WNT5A: variants seen among roughly 807,000 people sequenced by gnomAD.
WNT5A encodes protein Wnt-5a.
In WNT5A, 9 loss-of-function variants were observed where a neutral mutation model predicts 42.1. The observed-to-expected ratio is 0.21, with a 90% CI of 0.13 to 0.37. The LOEUF (loss-of-function observed/expected upper bound fraction) is 0.37, where lower values mean the gene tolerates loss of function less well. Ranked by LOEUF, WNT5A falls within the 10% of genes least tolerant of loss-of-function variation. WNT5A has a pLI of 1.00. For synonymous variants in WNT5A, 210 were observed against 210.0 expected (o/e 1.00, Z 0.00); for missense variants, 426 against 534.0 (o/e 0.80, Z 1.99).
chr3:55,498,657 G>T, the WNT5A span, among the ~76,000 whole-genome samples: 1 of 152,200 alleles, frequency 6.6e-6, no homozygotes. Context: ...TTCCAGGACA[G>T]ATGATTTGGT....
chr3:55,471,136 C>A (rs2051243527), intron 4 of WNT5A, among the ~76,000 whole-genome samples: 1 of 152,136 alleles, frequency 6.6e-6, no homozygotes, highest in Admixed American at 6.5e-5. Context: ...AAATCTTAAC[C>A]CATTACTACT....
chr3:55,491,549 C>G (rs550713905), upstream of WNT5A, among the ~76,000 whole-genome samples: 1 of 152,222 alleles, frequency 6.6e-6, no homozygotes, highest in Non-Finnish European at 1.5e-5. Context: ...AATTTATGAA[C>G]GACTGCATCC....
chr3:55,475,982 T>C (rs1178541608), intron 3 of WNT5A, among the ~76,000 whole-genome samples: 1 of 152,210 alleles, frequency 6.6e-6, no homozygotes, highest in Non-Finnish European at 1.5e-5. Context: ...ATAAGGGTAC[T>C]GAAATACATG....
At chr3:55,504,929 C>A in the WNT5A span, among the ~76,000 whole-genome samples, 1 of 152,118 alleles carries the variant, frequency 6.6e-6, no homozygotes, top group African/African-American at 2.4e-5. Context: ...TTTTTCTGAG[C>A]TTTATATAGA....
intron 1 of WNT5A, among the ~76,000 whole-genome samples, chr3:55,485,858 T>C (rs1406168211): frequency 1.3e-5 from 2 of 151,858 alleles, no homozygotes; most frequent in Non-Finnish European, 2.9e-5. Context: ...TTTGTTGTTG[T>C]TTTTTTTAAC....
intron 1 of WNT5A, chr3:55,481,488 T>TGGGGGGG: frequency 2.9e-5 from 3 of 101,892 alleles, no homozygotes; most frequent in South Asian, 3.2e-4. Context: ...GGGCAGGGGG[T>TGGGGGGG]GGGGGGCGAG....
rs1163047241 is a variant in WNT5A, at chr3:55,479,570, A to T, written c.141-6T>A. On this transcript the variant is annotated splice_polypyrimidine_tract_variant and splice_region_variant and intron_variant, in intron 2 of 4. Transcript: ENST00000264634. The stretch of plus-strand genomic sequence containing the variant: ...GGTTATTCATACCTAGCGACCTGCA[A>T]GGGGGGGAGATGTGCATTCAAGATT... The T allele has an allele frequency of 6.3e-7, 1 of 1,574,912 alleles. No individual in the cohort carries two copies. Among genetic ancestry groups the T allele is most frequent in the Non-Finnish European group, 8.7e-7 (1 of 1,155,432 alleles).
chr3:55,482,302 C>T (rs1559557967), intron 1 of WNT5A, among the ~76,000 whole-genome samples: 2 of 152,234 alleles, frequency 1.3e-5, no homozygotes, highest in Non-Finnish European at 2.9e-5. Flanking sequence ...GACTTCTCCA[C>T]CTGTAGGCGG....
Position 55,468,082 on chromosome 3 carries a change from G to A in WNT5A, c.*2010C>T, listed in dbSNP as rs139339191. 6 of 147,758 alleles carry A rather than the reference G, an allele frequency of 4.1e-5. No individual in the cohort carries two copies. Among genetic ancestry groups the A allele is most frequent in the African/African-American group, 1.5e-4 (6 of 40,316 alleles). 9.2% of individuals were successfully genotyped at this position (147,758 alleles called of 1,614,324 possible). A position where few individuals can be genotyped will look rare whatever the true frequency, so the allele number is the denominator to read the frequency against. The stretch of plus-strand genomic sequence containing the variant: ...TATCTTTCCAAACTTTTAAAACAAC[G>A]TAAGTCTGAGATAAGAACATATTTG... On this transcript the variant is annotated 3_prime_UTR_variant, in exon 5 of 5. Coordinates refer to ENST00000264634, the MANE Select transcript of WNT5A (RefSeq NM_003392.7).
Position 55,470,210 on chromosome 3 carries a change from C to T in WNT5A, c.1025G>A (p.Arg342His), listed in dbSNP as rs2051220475. 3 of 1,614,076 alleles carry T rather than the reference C, an allele frequency of 1.9e-6. No individual in the cohort carries two copies. Among genetic ancestry groups the T allele is most frequent in the South Asian group, 1.1e-5 (1 of 91,086 alleles). ...MDGCELMCCG[R>H]GYDQFKTVQT... ...CACGGTCTTGAACTGGTCGTAGCCA[C>T]GGCCGCAGCACATGAGCTCGCAGCC... The change falls in exon 5 of 5, where the codon CGT becomes CAT. Residue 342 changes from arginine to histidine, a missense_variant. Transcript: ENST00000264634.
At chr3:55,484,288 C>T (rs768439046) in intron 1 of WNT5A, among the ~76,000 whole-genome samples, 4 of 152,186 alleles carry the variant, frequency 2.6e-5, no homozygotes, top group Admixed American at 6.5e-5. Flanking sequence ...CAGCCAAAAA[C>T]TTGGGACGTC....
At chr3:55,505,115 G>C in the WNT5A span, 1 of 152,138 alleles carries the variant, frequency 6.6e-6, no homozygotes, top group Non-Finnish European at 1.5e-5. Context: ...ATAAAGAACT[G>C]CCCAAGACTG....
At chr3:55,473,653 C>A (rs1191787357) in intron 4 of WNT5A, among the ~76,000 whole-genome samples, 1 of 152,126 alleles carries the variant, frequency 6.6e-6, no homozygotes, top group African/African-American at 2.4e-5. Flanking sequence ...TCCCACACTG[C>A]TAAAAATGCT....
rs372089732 is a variant in WNT5A, at chr3:55,475,051, G to A, written c.392-422C>T. Among the ~76,000 whole-genome samples, 462 of 152,128 alleles carry A rather than the reference G, an allele frequency of 3.0e-3. 2 individuals are homozygous for A. Among genetic ancestry groups the A allele is most frequent in the South Asian group, 8.9e-3 (43 of 4,820 alleles). Reference sequence around the variant, plus strand: ...CAAGCAAGATCCCCCAAAACACACAGAAGCAACAATTAACAAAGGAGTAGC... The same window carrying A: ...CAAGCAAGATCCCCCAAAACACACAAAAGCAACAATTAACAAAGGAGTAGC... On this transcript the variant is annotated intron_variant, in intron 3 of 4. Coordinates refer to ENST00000264634, the MANE Select transcript of WNT5A (RefSeq NM_003392.7).
the WNT5A span, among the ~76,000 whole-genome samples, chr3:55,498,441 G>A: frequency 6.6e-6 from 1 of 152,256 alleles, no homozygotes; most frequent in African/African-American, 2.4e-5. Flanking sequence ...GATGATGAGA[G>A]TAACACTGAT....
chr3:55,488,660 G>A (rs1312138962), upstream of WNT5A, among the ~76,000 whole-genome samples: 4 of 152,046 alleles, frequency 2.6e-5, no homozygotes, highest in Admixed American at 1.3e-4. Context: ...ATCCCCCGCG[G>A]CATCTGCTGA....
At position 55,485,848 on chromosome 3, in the gene WNT5A, TTTG is replaced by T. The variant is rs1212474302; in HGVS notation, c.6+1129_6+1131del. On this transcript the variant is annotated intron_variant, in intron 1 of 4. Coordinates refer to ENST00000264634, the MANE Select transcript of WNT5A (RefSeq NM_003392.7). ...CGTGGGGTCTCCAGACTTGAAGTTT[TTTG>T]TTGTTGTTTTTTTTAACTTTTTGGG... Among the ~76,000 whole-genome samples the T allele has an allele frequency of 2.0e-5, 3 of 152,288 alleles. No individual in the cohort carries two copies. The East Asian group carries it at 5.8e-4, about 29-fold the overall frequency.
intron 4 of WNT5A, among the ~76,000 whole-genome samples, chr3:55,472,119 CTG>C (rs1347154156): frequency 6.6e-6 from 1 of 152,154 alleles, no homozygotes; most frequent in African/African-American, 2.4e-5. Context: ...GCAAAAAAAA[CTG>C]TCTTCTTCGT....
chr3:55,494,920 C>T (rs192893741), upstream of WNT5A, among the ~76,000 whole-genome samples: 200 of 152,272 alleles, frequency 1.3e-3, 2 homozygotes, highest in African/African-American at 4.5e-3. Context: ...CTTTCATGGC[C>T]ACCTGGAAAG....
Sources: gnomAD v4.1 joint callset for allele counts (sites outside exome capture counted in the v4.1 genomes callset) on GRCh38, gnomAD v4.1.1 for gene constraint, MANE v1.5 for transcripts, NCBI Gene and HGNC (gene_info 2026-07-23, HGNC 2026-07-21) for gene names.